The following HERC1 variants were observed in gnomAD, a reference collection of about 807,000 sequenced individuals.
The protein encoded by HERC1 is HECT and RLD domain containing E3 ubiquitin protein ligase family member 1, also known as probable E3 ubiquitin-protein ligase HERC1.
HERC1 carries 160 observed loss-of-function variants against 554.3 expected under a neutral mutation model. The observed-to-expected ratio is 0.29, with a 90% CI of 0.25 to 0.33. The LOEUF is 0.33. Among genes scored for constraint, HERC1 ranks in the 10% least tolerant of loss-of-function variants. The probability of loss-of-function intolerance (pLI) is 1.00; values close to 1 mark genes in which losing one functional copy is unlikely to be tolerated. For missense variants in HERC1, 4,919 were observed against 5,918.5 expected (o/e 0.83, Z 5.54); for synonymous variants, 2,175 against 2,131.7 (o/e 1.02, Z -0.56).
intron 1 of HERC1, among the ~76,000 whole-genome samples, chr15:63,795,004 T>G (rs1003746331): frequency 1.4e-5 from 2 of 139,526 alleles, no homozygotes; most frequent in African/African-American, 5.5e-5. Context: ...AGGCGGGGGT[T>G]GCAGTTAGCC....
intron 58 of HERC1, 27 bp from the exon 59 acceptor site, chr15:63,643,085 A>C: frequency 7.9e-7 from 1 of 1,264,856 alleles, no homozygotes; most frequent in Non-Finnish European, 1.2e-6. Context: ...TTACCAATAC[A>C]CACCATTGAA....
chr15:63,750,130 T>A (rs538582508), intron 8 of HERC1, among the ~76,000 whole-genome samples: 33 of 152,244 alleles, frequency 2.2e-4, no homozygotes, highest in Non-Finnish European at 3.7e-4. Flanking sequence ...ATCTTAAAAC[T>A]TCTCCTTTAT....
intron 1 of HERC1, among the ~76,000 whole-genome samples, chr15:63,816,172 G>T (rs2077487638): frequency 6.6e-6 from 1 of 152,136 alleles, no homozygotes; most frequent in African/African-American, 2.4e-5. Flanking sequence ...AAGGTTCAGA[G>T]ATCAAATAAA....
intron 1 of HERC1, among the ~76,000 whole-genome samples, chr15:63,787,374 C>T (rs1178811947): frequency 6.6e-6 from 1 of 151,984 alleles, no homozygotes; most frequent in Non-Finnish European, 1.5e-5. Flanking sequence ...CTAGGCTGGT[C>T]TCAAACGCCT....
At chr15:63,631,125 C>T (rs2068532978) in intron 68 of HERC1, among the ~76,000 whole-genome samples, 1 of 152,208 alleles carries the variant, frequency 6.6e-6, no homozygotes, top group African/African-American at 2.4e-5. Context: ...ACCACAGGCA[C>T]ATGCCACCAT....
In HERC1 at chr15:63,623,864, A is replaced by C; in HGVS notation, c.13472T>G (p.Val4491Gly). 1 of 1,614,000 alleles carries C rather than the reference A, an allele frequency of 6.2e-7. No homozygotes were observed. The highest frequency in any genetic ancestry group is 8.5e-7 in the Non-Finnish European group (1 of 1,179,884). ...CTTAACTACTTGTCTCGCTATTTGGACAAAAATAGGCTTACACTTCCGTCC... is the reference window on the plus strand; with the variant it reads ...CTTAACTACTTGTCTCGCTATTTGGCCAAAAATAGGCTTACACTTCCGTCC... ...TRGRKCKPIF[V>G]QIARQVVKLN... is the part of the protein sequence containing the mutation. Residue 4491 changes from valine to glycine, a missense_variant, in exon 73 of 78, where the codon GTC becomes GGC. This residue lies in a region of HERC1 where 410 missense variants were observed against 467.0 expected (regional missense o/e 0.88). Transcript: ENST00000443617.
At chr15:63,816,548 G>C (rs760449040) in intron 1 of HERC1, among the ~76,000 whole-genome samples, 1 of 152,174 alleles carries the variant, frequency 6.6e-6, no homozygotes, top group Non-Finnish European at 1.5e-5. Context: ...ACAAACATCA[G>C]TGACCAGCTC....
chr15:63,617,643 T>G (rs1196533885), intron 74 of HERC1, among the ~76,000 whole-genome samples: 1 of 152,206 alleles, frequency 6.6e-6, no homozygotes, highest in Non-Finnish European at 1.5e-5. Context: ...AAAGTGTTCC[T>G]ATTTCTCCAC....
chr15:63,719,295 T>G (rs76441772), intron 19 of HERC1, among the ~76,000 whole-genome samples: 2 of 152,186 alleles, frequency 1.3e-5, no homozygotes, highest in African/African-American at 4.8e-5. Context: ...GAGATCTAAA[T>G]GAAGTGGGGG....
intron 48 of HERC1, among the ~76,000 whole-genome samples, 153 bp from the exon 49 acceptor site, chr15:63,656,511 G>GT (rs2070046373): frequency 6.6e-6 from 1 of 152,204 alleles, no homozygotes; most frequent in South Asian, 2.1e-4. Context: ...GTTGCCAAAG[G>GT]TATCAAGCTG....
At chr15:63,622,971 G>T in intron 73 of HERC1, 80 bp from the exon 74 acceptor site, 2 of 773,888 alleles carry the variant, frequency 2.6e-6, no homozygotes, top group East Asian at 3.0e-5. Context: ...AGATCATACT[G>T]AAAAGAGAAT....
At chr15:63,826,803 AAAAAAAAAAAAATAT>A (rs1245713949) in intron 1 of HERC1, among the ~76,000 whole-genome samples, 15 of 73,660 alleles carry the variant, frequency 2.0e-4, no homozygotes, top group African/African-American at 4.6e-4. Flanking sequence ...AAAAAAAAAA[AAAAAAAAAAAAATAT>A]ATATATATAT....
At chr15:63,675,562 A>G (rs989360765) in intron 37 of HERC1, among the ~76,000 whole-genome samples, 1 of 152,202 alleles carries the variant, frequency 6.6e-6, no homozygotes, top group African/African-American at 2.4e-5. Flanking sequence ...AGTTTGATGT[A>G]AGCTATTCAG....
rs752500359 is a variant in HERC1, at chr15:63,680,027, A to G, written c.6549+50T>C. The G allele has an allele frequency of 1.5e-6, 2 of 1,307,590 alleles. No individual in the cohort carries two copies. Among genetic ancestry groups the G allele is most frequent in the African/African-American group, 2.9e-5 (2 of 68,122 alleles). 81.0% of individuals were successfully genotyped at this position (1,307,590 alleles called of 1,614,324 possible). ...ATATTTATAAACTCTATCTGATGCT[A>G]AACAATAAAATAACAAATATTCTTA... is the stretch of plus-strand genomic sequence containing the variant. On this transcript the variant is annotated intron_variant, in intron 36 of 77. Coordinates refer to ENST00000443617, the MANE Select transcript of HERC1 (RefSeq NM_003922.4). The surrounding 1 kb of genome is among the most constrained non-coding windows in gnomAD (Gnocchi z 5.8).
chr15:63,792,502 T>G (rs1451305867), intron 1 of HERC1, among the ~76,000 whole-genome samples: 1 of 152,250 alleles, frequency 6.6e-6, no homozygotes, highest in Non-Finnish European at 1.5e-5. Flanking sequence ...TCCAGGAGTT[T>G]GGAGTATCCC....
chr15:63,736,152 C>T (rs2074494704), intron 12 of HERC1, among the ~76,000 whole-genome samples: 1 of 152,062 alleles, frequency 6.6e-6, no homozygotes, highest in South Asian at 2.1e-4. Flanking sequence ...ATGGCTACAC[C>T]CTAAGTCAAA....
chr15:63,649,064 T>C (rs901009237), intron 54 of HERC1, among the ~76,000 whole-genome samples: 13 of 152,264 alleles, frequency 8.5e-5, no homozygotes, highest in Non-Finnish European at 1.5e-4. Flanking sequence ...TAAAAGACAA[T>C]TTCATCTCGG....
At chr15:63,766,953 C>T (rs1249778912) in intron 2 of HERC1, among the ~76,000 whole-genome samples, 1 of 151,784 alleles carries the variant, frequency 6.6e-6, no homozygotes, top group East Asian at 1.9e-4. Flanking sequence ...GCTGGGATTA[C>T]AGGCGTGAGC....
At chr15:63,668,531 T>C (rs138791841) in intron 40 of HERC1, among the ~76,000 whole-genome samples, 1 of 152,122 alleles carries the variant, frequency 6.6e-6, no homozygotes, top group African/African-American at 2.4e-5. Flanking sequence ...TACTACAACA[T>C]GCTGCCTTTA....
Sources: gnomAD v4.1 joint callset for allele counts (sites outside exome capture counted in the v4.1 genomes callset) on GRCh38, gnomAD v4.1.1 for gene constraint, gnomAD v4.1.1 regional missense constraint, Gnocchi (gnomAD v3.1) non-coding constraint, MANE v1.5 for transcripts, NCBI Gene and HGNC (gene_info 2026-07-23, HGNC 2026-07-21) for gene names.